SGCE: variants seen among roughly 807,000 people sequenced by gnomAD.
SGCE encodes sarcoglycan epsilon.
SGCE carries 26 observed loss-of-function variants against 57.8 expected under a neutral mutation model. The ratio of observed to expected loss-of-function variants is 0.45; its 90% CI spans 0.33 to 0.62. The LOEUF (loss-of-function observed/expected upper bound fraction) is 0.62. SGCE is among the 20% of genes least tolerant of loss of function. The pLI, the probability that SGCE is intolerant of heterozygous loss-of-function variation, is 0.02. For missense variants in SGCE, 468 were observed against 548.6 expected, an observed-to-expected ratio of 0.85 and a Z score of 1.47; for synonymous variants, 183 against 189.5, an observed-to-expected ratio of 0.97 and a Z score of 0.28.
intron 5 of SGCE, chr7:94,616,832 A>T (rs1562838929): frequency 6.6e-6 from 1 of 152,224 alleles, no homozygotes; most frequent in Non-Finnish European, 1.5e-5. Flanking sequence ...TAGAGCTGGC[A>T]TTGCGTACAA....
chr7:94,627,104 TA>T (rs980408131), intron 3 of SGCE: 1 of 152,026 alleles, frequency 6.6e-6, no homozygotes, highest in Non-Finnish European at 1.5e-5. Context: ...TACACTGCCT[TA>T]AGGAATATGA....
intron 1 of SGCE, among the ~76,000 whole-genome samples, chr7:94,644,438 T>C (rs1440108462): frequency 6.6e-6 from 1 of 152,166 alleles, no homozygotes; most frequent in Non-Finnish European, 1.5e-5. Flanking sequence ...GAGGAGAGGA[T>C]TGCTATTTAA....
intron 4 of SGCE, 76 bp from the exon 5 acceptor site, chr7:94,619,032 G>A (rs561366027): frequency 1.1e-5 from 11 of 1,040,258 alleles, no homozygotes; most frequent in African/African-American, 6.3e-5. Context: ...AACAATTTGC[G>A]ATTTGTTGAG....
At position 94,605,451 on chromosome 7, in the gene SGCE, C is replaced by T. The variant is rs537781197; in HGVS notation, c.663-1999G>A. Among the ~76,000 whole-genome samples the T allele has an allele frequency of 1.1e-4, 16 of 150,368 alleles. No homozygotes were observed. The East Asian group carries it at 2.9e-3, about 27-fold the overall frequency. On this transcript the variant is annotated intron_variant, in intron 5 of 10. Coordinates refer to ENST00000648936, the MANE Select transcript of SGCE (RefSeq NM_003919.3). ...TAGCAACAATCTATTCACCATATATCCATAAATGTATATATCTACATATAT... is the reference window on the plus strand; with the variant it reads ...TAGCAACAATCTATTCACCATATATTCATAAATGTATATATCTACATATAT...
intron 3 of SGCE, chr7:94,626,120 T>A (rs1803678416): frequency 6.6e-6 from 1 of 152,096 alleles, no homozygotes; most frequent in Non-Finnish European, 1.5e-5. Flanking sequence ...TGTCTCCTCT[T>A]TAGTGAAATA....
intron 1 of SGCE, among the ~76,000 whole-genome samples, chr7:94,633,611 C>A (rs977274273): frequency 1.3e-5 from 2 of 151,872 alleles, no homozygotes; most frequent in Non-Finnish European, 2.9e-5. Flanking sequence ...TAACAGACCA[C>A]GAAAGCAGTA....
intron 5 of SGCE, among the ~76,000 whole-genome samples, chr7:94,610,648 AT>A (rs1258867788): frequency 2.0e-5 from 3 of 152,198 alleles, no homozygotes; most frequent in Non-Finnish European, 4.4e-5. Flanking sequence ...CAGAAAAAAA[AT>A]AAATTGAACT....
Position 94,601,443 on chromosome 7 carries a change from C to CAAAAAAAAAAAAA in SGCE, c.826-599_826-587dup, listed in dbSNP as rs71123905. Among the ~76,000 whole-genome samples, 114 of 89,270 alleles carry CAAAAAAAAAAAAA rather than the reference C, an allele frequency of 1.3e-3. 9 individuals are homozygous for CAAAAAAAAAAAAA. The highest frequency in any genetic ancestry group is 2.5e-3 in the East Asian group (6 of 2,412). The allele number at this position is 89,270 out of a possible 152,430, so 58.6% of individuals were successfully genotyped here. A position where few individuals can be genotyped will look rare whatever the true frequency, so the allele number is the denominator to read the frequency against. On this transcript the variant is annotated intron_variant, in intron 6 of 10. Coordinates refer to ENST00000648936, the MANE Select transcript of SGCE (RefSeq NM_003919.3). ...GTCTTACTTAATTCTATCCCAGTATCAAAAAAAAAAAAAAAAAAAAAAAAA... is the reference window on the plus strand; with the variant it reads ...GTCTTACTTAATTCTATCCCAGTATCAAAAAAAAAAAAAAAAAAAAAAAAAAAAAAAAAAAAAA...
At chr7:94,628,141 C>T (rs1485766083) in intron 3 of SGCE, 61 bp downstream of exon 3, 1 of 1,195,112 alleles carries the variant, frequency 8.4e-7, no homozygotes. Flanking sequence ...TTACAATACA[C>T]ACACACACAC....
At chr7:94,586,780 G>A in intron 10 of SGCE, 1 of 961,370 alleles carries the variant, frequency 1.0e-6, no homozygotes, top group South Asian at 4.8e-5. Context: ...GGGATTACAG[G>A]TGTGAGCCAC....
chr7:94,639,330 C>A (rs1806056658), intron 1 of SGCE: 1 of 1,479,986 alleles, frequency 6.8e-7, no homozygotes, highest in Non-Finnish European at 9.1e-7. Context: ...AGATTTACAA[C>A]CTAAACTCAC....
intron 8 of SGCE, chr7:94,599,231 T>A: frequency 5.8e-6 from 2 of 343,398 alleles, no homozygotes; most frequent in Non-Finnish European, 1.0e-5. Flanking sequence ...CTGTCCTAAG[T>A]AACCAACTAG....
At chr7:94,630,281 TC>T (rs1376150666) in intron 1 of SGCE, among the ~76,000 whole-genome samples, 1 of 151,974 alleles carries the variant, frequency 6.6e-6, no homozygotes, top group Admixed American at 6.6e-5. Flanking sequence ...GTGGTAAGAA[TC>T]CATACTATAC....
chr7:94,612,801 ATCT>A (rs1801259908), intron 5 of SGCE, among the ~76,000 whole-genome samples: 1 of 151,988 alleles, frequency 6.6e-6, no homozygotes, highest in Admixed American at 6.6e-5. Context: ...TCCTCCTTCT[ATCT>A]TCTTCTCTCT....
chr7:94,591,633 C>T (rs1285879696), intron 9 of SGCE, among the ~76,000 whole-genome samples: 1 of 152,154 alleles, frequency 6.6e-6, no homozygotes, highest in Non-Finnish European at 1.5e-5. Context: ...CCCCCCACTT[C>T]TCTTGTTGGC....
intron 5 of SGCE, among the ~76,000 whole-genome samples, chr7:94,614,040 C>A (rs1326854053): frequency 1.4e-5 from 2 of 141,566 alleles, no homozygotes; most frequent in Non-Finnish European, 3.0e-5. Flanking sequence ...CTTGACAGGA[C>A]TAATAATTCT....
At chr7:94,601,386 A>T (rs1161573365) in intron 6 of SGCE, among the ~76,000 whole-genome samples, 1 of 145,768 alleles carries the variant, frequency 6.9e-6, no homozygotes, top group African/African-American at 2.6e-5. Context: ...ACTTTTATGG[A>T]AGATAGTCTA....
At chr7:94,585,820 C>T (rs1396320697) in intron 10 of SGCE, among the ~76,000 whole-genome samples, 1 of 152,004 alleles carries the variant, frequency 6.6e-6, no homozygotes, top group Non-Finnish European at 1.5e-5. Context: ...GGATGTATAA[C>T]TGTACCTTTT....
At chr7:94,587,447 G>A in intron 10 of SGCE, 1 of 1,189,180 alleles carries the variant, frequency 8.4e-7, no homozygotes, top group Non-Finnish European at 1.0e-6. Context: ...AGGCGAGATG[G>A]AAGCTACAAG....
Sources: allele counts gnomAD v4.1 joint callset (sites outside exome capture counted in the v4.1 genomes callset), GRCh38; gene constraint gnomAD v4.1.1; transcripts MANE v1.5; gene names NCBI Gene and HGNC (gene_info 2026-07-23, HGNC 2026-07-21).